KIAA1328: variants seen among roughly 807,000 people sequenced by gnomAD.
KIAA1328 encodes KIAA1328.
A neutral mutation model predicts 68.1 loss-of-function variants in KIAA1328; 52 were observed. That is an observed-to-expected ratio of 0.76 (90% CI 0.61 to 0.96). KIAA1328 has a LOEUF of 0.96. KIAA1328 is among the 40% of genes least tolerant of loss of function. The probability of loss-of-function intolerance (pLI) is 0.00; values close to 1 mark genes in which losing one functional copy is unlikely to be tolerated. For missense variants in KIAA1328, 641 were observed against 677.6 expected, an observed-to-expected ratio of 0.95 and a Z score of 0.60; for synonymous variants, 232 against 239.4, an observed-to-expected ratio of 0.97 and a Z score of 0.28.
intron 7 of KIAA1328, among the ~76,000 whole-genome samples, chr18:37,123,483 A>G (rs1026312240): frequency 2.0e-5 from 3 of 152,194 alleles, no homozygotes; most frequent in Non-Finnish European, 4.4e-5. Context: ...TGCAAATACA[A>G]TTTATTGAGA....
chr18:37,011,625 A>T (rs181826336), intron 6 of KIAA1328, among the ~76,000 whole-genome samples: 113 of 152,344 alleles, frequency 7.4e-4, no homozygotes, highest in African/African-American at 2.5e-3. Context: ...GAAATAATTT[A>T]AATGATCCTA....
intron 7 of KIAA1328, among the ~76,000 whole-genome samples, chr18:37,115,558 A>T (rs982813783): frequency 6.6e-6 from 1 of 152,244 alleles, no homozygotes; most frequent in Non-Finnish European, 1.5e-5. Context: ...AGCCAATATC[A>T]TACTGAATGG....
intron 9 of KIAA1328, among the ~76,000 whole-genome samples, chr18:37,175,037 C>A (rs866402481): frequency 1.4e-4 from 21 of 152,222 alleles, no homozygotes; most frequent in African/African-American, 4.3e-4. Flanking sequence ...AGTTGTGTTT[C>A]TGAAATGTTG....
chr18:36,829,508 C>T (rs1600882706), intron 1 of KIAA1328: 2 of 1,123,480 alleles, frequency 1.8e-6, no homozygotes, highest in East Asian at 8.5e-5. Context: ...CGAGGTCCCT[C>T]TGCCCACCCT....
intron 6 of KIAA1328, among the ~76,000 whole-genome samples, chr18:37,047,014 C>G (rs2055498183): frequency 6.6e-6 from 1 of 152,102 alleles, no homozygotes; most frequent in Admixed American, 6.5e-5. Context: ...TGCCTGTAGT[C>G]CCAGCTACTC....
chr18:36,943,765 T>A (rs2050794715), intron 5 of KIAA1328, among the ~76,000 whole-genome samples: 1 of 152,222 alleles, frequency 6.6e-6, no homozygotes, highest in East Asian at 1.9e-4. Context: ...GTGTGGTTTC[T>A]CTTTTATTAT....
intron 5 of KIAA1328, among the ~76,000 whole-genome samples, chr18:36,911,092 C>T (rs2049429427): frequency 6.6e-6 from 1 of 152,094 alleles, no homozygotes; most frequent in Non-Finnish European, 1.5e-5. Context: ...TTGCATCCTC[C>T]GTTTGGCAGA....
At chr18:36,855,682 T>G (rs2047358596) in intron 4 of KIAA1328, among the ~76,000 whole-genome samples, 1 of 152,004 alleles carries the variant, frequency 6.6e-6, no homozygotes, top group Non-Finnish European at 1.5e-5. Context: ...ATTTTTTATT[T>G]TGTTGCTTGT....
At chr18:36,851,886 G>A (rs1259056868) in intron 4 of KIAA1328, among the ~76,000 whole-genome samples, 1 of 151,762 alleles carries the variant, frequency 6.6e-6, no homozygotes, top group Non-Finnish European at 1.5e-5. Flanking sequence ...TTACTGATTT[G>A]AGATCTCTTT....
At position 37,160,184 on chromosome 18, in the gene KIAA1328, A is replaced by G. The variant is rs1380756799; in HGVS notation, c.1233-16A>G. ...CTTCTGTGCCTTCAACAGTTCATTC[A>G]TCGTTGTTCTTTCAGTTTATTGAAG... On this transcript the variant is annotated splice_polypyrimidine_tract_variant and intron_variant, in intron 7 of 9. Coordinates refer to ENST00000280020, the MANE Select transcript of KIAA1328 (RefSeq NM_020776.3). 1.9e-6 allele frequency: 3 copies of G among 1,602,850 alleles called. No individual in the cohort carries two copies. In the South Asian group the frequency reaches 3.4e-5, roughly 18 times the overall value.
At chr18:37,042,833 CTT>C (rs2055310126) in intron 6 of KIAA1328, among the ~76,000 whole-genome samples, 1 of 152,074 alleles carries the variant, frequency 6.6e-6, no homozygotes, top group Admixed American at 6.6e-5. Flanking sequence ...TTTTCTGACA[CTT>C]TATCTCTCTC....
At chr18:37,045,650 TG>T (rs1016855884) in intron 6 of KIAA1328, among the ~76,000 whole-genome samples, 2 of 152,218 alleles carry the variant, frequency 1.3e-5, no homozygotes, top group African/African-American at 4.8e-5. Context: ...TAATGTTTAT[TG>T]CTCAGCAGGT....
chr18:36,883,444 C>T lies in KIAA1328; in HGVS notation c.333-2113C>T, dbSNP rs568934353. ...GCATTTTTGAGCATGCCCAAATTCT[C>T]CTATGCCAGCAATCCTACAAAGGCA... On this transcript the variant is annotated intron_variant, in intron 4 of 9. Coordinates refer to ENST00000280020, the MANE Select transcript of KIAA1328 (RefSeq NM_020776.3). 1.8e-4 allele frequency among the ~76,000 whole-genome samples: 28 copies of T among 152,302 alleles called. No homozygotes were observed. In the South Asian group the frequency reaches 5.4e-3, roughly 29 times the overall value.
chr18:36,849,055 T>C (rs780565015), intron 4 of KIAA1328, among the ~76,000 whole-genome samples: 4 of 151,900 alleles, frequency 2.6e-5, no homozygotes, highest in Non-Finnish European at 4.4e-5. Context: ...TACATAAAAT[T>C]TACTATTCTA....
At chr18:36,915,287 A>C (rs56887538) in intron 5 of KIAA1328, among the ~76,000 whole-genome samples, 24,455 of 152,066 alleles carry the variant, frequency 0.16, 2,160 homozygotes, top group African/African-American at 0.22. Flanking sequence ...CTTATGGAAT[A>C]TTTTCTGATA....
At chr18:36,903,292 T>G (rs1319948212) in intron 5 of KIAA1328, among the ~76,000 whole-genome samples, 13 of 152,086 alleles carry the variant, frequency 8.5e-5, no homozygotes, top group Admixed American at 7.2e-4. Context: ...ACCAATTTTA[T>G]TTTATTAAAG....
At chr18:37,157,677 G>A (rs2059181879) in intron 7 of KIAA1328, among the ~76,000 whole-genome samples, 1 of 151,756 alleles carries the variant, frequency 6.6e-6, no homozygotes, top group African/African-American at 2.4e-5. Context: ...GGACATGGTG[G>A]TGTGTGCCTG....
At chr18:36,988,768 C>T (rs548338290) in intron 6 of KIAA1328, among the ~76,000 whole-genome samples, 1 of 152,266 alleles carries the variant, frequency 6.6e-6, no homozygotes, top group South Asian at 2.1e-4. Flanking sequence ...TTACAACTTA[C>T]TGTTACCTAT....
At chr18:36,886,577 G>A (rs1055171247) in intron 5 of KIAA1328, among the ~76,000 whole-genome samples, 6 of 151,914 alleles carry the variant, frequency 3.9e-5, no homozygotes, top group Non-Finnish European at 8.8e-5. Flanking sequence ...ACATATTTTA[G>A]GGGTGTGTTA....
Sources: allele counts gnomAD v4.1 joint callset (sites outside exome capture counted in the v4.1 genomes callset), GRCh38; gene constraint gnomAD v4.1.1; transcripts MANE v1.5; gene names NCBI Gene and HGNC (gene_info 2026-07-23, HGNC 2026-07-21).